Variants in MCPH1 observed in about 807,000 individuals in gnomAD.
The protein encoded by MCPH1 is microcephalin 1.
Under a neutral mutation model 84.5 loss-of-function variants are expected in MCPH1, and 104 were observed. The ratio of observed to expected loss-of-function variants is 1.23; its 90% CI spans 1.05 to 1.45. The LOEUF is 1.45. Among genes scored for constraint, MCPH1 ranks in the 40% most tolerant of loss-of-function variants. The pLI is 0.00. For synonymous variants in MCPH1, 514 were observed against 366.8 expected, an observed-to-expected ratio of 1.40 and a Z score of -4.58; for missense variants, 1,498 against 1,005.7, an observed-to-expected ratio of 1.49 and a Z score of -6.62.
chr8:6,544,581 T>C (rs1424477602), intron 12 of MCPH1, among the ~76,000 whole-genome samples: 1 of 152,188 alleles, frequency 6.6e-6, no homozygotes, highest in Non-Finnish European at 1.5e-5. Context: ...GTGTCATTCA[T>C]GTATTGGAGG....
intron 6 of MCPH1, among the ~76,000 whole-genome samples, chr8:6,440,105 C>T (rs1228196936): frequency 1.3e-5 from 2 of 152,032 alleles, no homozygotes; most frequent in Non-Finnish European, 1.5e-5. Context: ...TGTTGTAGAC[C>T]TATTTTTGTT....
At chr8:6,606,108 A>G (rs1373524012) in intron 12 of MCPH1, among the ~76,000 whole-genome samples, 1 of 152,248 alleles carries the variant, frequency 6.6e-6, no homozygotes, top group African/African-American at 2.4e-5. Context: ...TGATAAGTTC[A>G]GTGGCTCCTG....
chr8:6,640,601 T>G (rs1797878817), intron 13 of MCPH1, among the ~76,000 whole-genome samples: 1 of 152,174 alleles, frequency 6.6e-6, no homozygotes, highest in South Asian at 2.1e-4. Flanking sequence ...ATTAAACTTT[T>G]GTTGTGTTAT....
chr8:6,511,749 C>A (rs865782260), intron 12 of MCPH1, among the ~76,000 whole-genome samples: 1 of 152,070 alleles, frequency 6.6e-6, no homozygotes, highest in African/African-American at 2.4e-5. Context: ...TCTAAATGGC[C>A]TATCCAAAAA....
At chr8:6,602,122 C>G (rs554631768) in intron 12 of MCPH1, among the ~76,000 whole-genome samples, 1 of 152,288 alleles carries the variant, frequency 6.6e-6, no homozygotes, top group Admixed American at 6.5e-5. Context: ...AAGGCAGTAG[C>G]AAGGCACAAA....
chr8:6,450,118 A>C (rs1447363891), intron 8 of MCPH1, among the ~76,000 whole-genome samples: 1 of 152,140 alleles, frequency 6.6e-6, no homozygotes, highest in Non-Finnish European at 1.5e-5. Flanking sequence ...TATCTGAGCA[A>C]TTTGGTCATG....
chr8:6,514,151 A>C (rs1051426012), intron 12 of MCPH1, among the ~76,000 whole-genome samples: 2 of 152,204 alleles, frequency 1.3e-5, no homozygotes, highest in African/African-American at 2.4e-5. Flanking sequence ...CAGTCGGCTT[A>C]CCAAAAAAAT....
chr8:6,431,313 G>A (rs1801799368), intron 3 of MCPH1, among the ~76,000 whole-genome samples, 186 bp from the exon 4 acceptor site: 2 of 152,152 alleles, frequency 1.3e-5, no homozygotes, highest in African/African-American at 4.8e-5. Flanking sequence ...ATACCAGATA[G>A]AGATGATTTT....
chr8:6,409,256 T>G (rs1453679259), intron 1 of MCPH1, 23 bp from the exon 2 acceptor site: 2 of 1,578,480 alleles, frequency 1.3e-6, no homozygotes, highest in African/African-American at 2.7e-5. Context: ...AATGTATGTT[T>G]CATGTTCATA....
chr8:6,508,913 G>A, intron 12 of MCPH1: 2 of 1,613,918 alleles, frequency 1.2e-6, no homozygotes, highest in Non-Finnish European at 1.7e-6. Context: ...CAAATAGGAA[G>A]ACAGAAAGTC....
At chr8:6,461,869 A>G (rs1806334625) in intron 9 of MCPH1, among the ~76,000 whole-genome samples, 1 of 152,212 alleles carries the variant, frequency 6.6e-6, no homozygotes, top group South Asian at 2.1e-4. Flanking sequence ...AAATACACGA[A>G]TGTAATTTTT....
intron 12 of MCPH1, chr8:6,503,065 A>G: frequency 1.2e-6 from 2 of 1,612,472 alleles, no homozygotes; most frequent in Non-Finnish European, 1.7e-6. Flanking sequence ...GTCTTTGAAA[A>G]TAGTTCGAGA....
intron 9 of MCPH1, among the ~76,000 whole-genome samples, chr8:6,460,890 A>C (rs182634206): frequency 6.6e-6 from 1 of 152,146 alleles, no homozygotes; most frequent in Non-Finnish European, 1.5e-5. Context: ...GTTTGTTTGC[A>C]TCTTGTCCAG....
intron 11 of MCPH1, among the ~76,000 whole-genome samples, chr8:6,487,156 C>T (rs530249049): frequency 2.2e-4 from 34 of 152,322 alleles, no homozygotes; most frequent in African/African-American, 7.5e-4. Flanking sequence ...CTTATAAATA[C>T]AAGTGTAGGG....
intron 12 of MCPH1, among the ~76,000 whole-genome samples, chr8:6,542,332 ATGTG>A (rs1325229163): frequency 6.6e-6 from 1 of 150,928 alleles, no homozygotes; most frequent in Non-Finnish European, 1.5e-5. Flanking sequence ...GTGTGTATGT[ATGTG>A]TGTGTGTTTC....
chr8:6,599,394 G>C (rs930265088), intron 12 of MCPH1, among the ~76,000 whole-genome samples: 4 of 152,200 alleles, frequency 2.6e-5, no homozygotes, highest in African/African-American at 9.7e-5. Context: ...GCGCGGCTTA[G>C]TGAAAGAATG....
rs563932106 is a variant in MCPH1 at position 6,624,905 on chromosome 8, C to T, written c.2452+3214C>T. The T allele has an allele frequency of 1.7e-5, 16 of 950,754 alleles. No homozygotes were observed. In the East Asian group the frequency reaches 3.5e-4, roughly 21 times the overall value. The allele number at this position is 950,754 out of a possible 1,614,324, so 58.9% of individuals were successfully genotyped here. On this transcript the variant is annotated intron_variant, in intron 13 of 13. Transcript: ENST00000344683. ...TTTTTTTTTTTCTGAGATGGAGTCT[C>T]GCTGTGTCACCAGGCTGGAGTGTGC...
chr8:6,506,175 C>G (rs1813695152), intron 12 of MCPH1, among the ~76,000 whole-genome samples: 1 of 151,686 alleles, frequency 6.6e-6, no homozygotes, highest in Non-Finnish European at 1.5e-5. Flanking sequence ...TTTGCGTGTT[C>G]TATTCAGAAT....
intron 12 of MCPH1, chr8:6,508,474 GTAAA>G (rs1019259683): frequency 4.9e-4 from 91 of 185,916 alleles, no homozygotes; most frequent in Non-Finnish European, 8.3e-4. Context: ...GACTGTGTCT[GTAAA>G]TAAATAAATA....
Sources: gnomAD v4.1 joint callset for allele counts (sites outside exome capture counted in the v4.1 genomes callset) on GRCh38, gnomAD v4.1.1 for gene constraint, MANE v1.5 for transcripts, NCBI Gene and HGNC (gene_info 2026-07-23, HGNC 2026-07-21) for gene names.